CSMD1: variants seen among roughly 807,000 people sequenced by gnomAD.
CSMD1 encodes CUB and sushi domain-containing protein 1.
A neutral mutation model predicts 417.5 loss-of-function variants in CSMD1; 213 were observed. That is an observed-to-expected ratio of 0.51 (90% CI 0.46 to 0.57). CSMD1 has a LOEUF of 0.57. Among genes scored for constraint, CSMD1 ranks in the 20% least tolerant of loss-of-function variants. The pLI, the probability that CSMD1 is intolerant of heterozygous loss-of-function variation, is 0.00. For missense variants in CSMD1, 6,923 were observed against 4,529.7 expected (o/e 1.53, Z -15.17); for synonymous variants, 2,862 against 1,736.8 (o/e 1.65, Z -16.11).
intron 10 of CSMD1, among the ~76,000 whole-genome samples, chr8:3,567,795 C>G (rs1211125873): frequency 6.6e-6 from 1 of 152,162 alleles, no homozygotes; most frequent in South Asian, 2.1e-4. Context: ...ACTTGCCTTT[C>G]TTGAACATCC....
intron 15 of CSMD1, 53 bp from the exon 16 acceptor site, chr8:3,399,582 CATA>C (rs1262027254): frequency 7.2e-7 from 1 of 1,385,656 alleles, no homozygotes; most frequent in Non-Finnish European, 9.7e-7. Context: ...AAGGATATGC[CATA>C]ACAATACCCG....
intron 1 of CSMD1, among the ~76,000 whole-genome samples, chr8:4,869,415 C>T (rs962638554): frequency 2.0e-5 from 3 of 152,024 alleles, no homozygotes; most frequent in African/African-American, 7.3e-5. Context: ...TTGACTTTCA[C>T]TTACCAAATA....
At position 4,007,796 on chromosome 8, in the gene CSMD1, T is replaced by C. The variant is rs544401236; in HGVS notation, c.611-9686A>G. On this transcript the variant is annotated intron_variant, in intron 4 of 69. Transcript: ENST00000635120. ...AACAAGTGTTGGGACTATGACAAAA[T>C]ATATTTAGGGGGCTATGCACGGAAT... Among the ~76,000 whole-genome samples the C allele has an allele frequency of 5.9e-5, 9 of 152,154 alleles. No homozygotes were observed. In the South Asian group the frequency reaches 1.9e-3, roughly 32 times the overall value.
intron 1 of CSMD1, among the ~76,000 whole-genome samples, chr8:4,653,241 G>A (rs1054122601): frequency 5.3e-5 from 8 of 152,040 alleles, no homozygotes; most frequent in Admixed American, 3.9e-4. Context: ...TATACAAATC[G>A]GGCTCCTATA....
intron 12 of CSMD1, among the ~76,000 whole-genome samples, chr8:3,417,392 TC>T (rs1209663946): frequency 3.3e-5 from 5 of 152,198 alleles, no homozygotes; most frequent in Non-Finnish European, 7.3e-5. Flanking sequence ...AGACCAAAAC[TC>T]TTATTGCCTG....
At chr8:3,990,597 G>A (rs973262367) in intron 5 of CSMD1, among the ~76,000 whole-genome samples, 1 of 152,148 alleles carries the variant, frequency 6.6e-6, no homozygotes, top group East Asian at 1.9e-4. Context: ...CGTATTCTTT[G>A]AAATAGTTTT....
intron 5 of CSMD1, among the ~76,000 whole-genome samples, chr8:3,900,325 G>A (rs1428057555): frequency 2.0e-5 from 3 of 152,088 alleles, no homozygotes; most frequent in Non-Finnish European, 2.9e-5. Context: ...GCAGCTGGAT[G>A]ACACTACAGC....
chr8:4,272,597 G>A (rs536906426), intron 3 of CSMD1, among the ~76,000 whole-genome samples: 3 of 152,052 alleles, frequency 2.0e-5, no homozygotes, highest in African/African-American at 7.2e-5. Flanking sequence ...TTGAAGGCAG[G>A]GCTTTTATGT....
At chr8:3,813,838 G>A (rs751634793) in intron 5 of CSMD1, among the ~76,000 whole-genome samples, 1 of 152,058 alleles carries the variant, frequency 6.6e-6, no homozygotes, top group Non-Finnish European at 1.5e-5. Flanking sequence ...TGAAAGCTTC[G>A]AAGTTTATGT....
At chr8:3,269,095 G>A (rs112602463) in intron 26 of CSMD1, among the ~76,000 whole-genome samples, 1 of 152,308 alleles carries the variant, frequency 6.6e-6, no homozygotes, top group African/African-American at 2.4e-5. Context: ...TCATCCCCCA[G>A]TATACAAGAC....
chr8:4,103,716 G>A lies in CSMD1; in HGVS notation c.416-71617C>T, dbSNP rs578068384. ...TGAATGCTTAAAACCCATGATAAGAGTTCCTTTATCCAAGACTTGATAGTA... is the reference window on the plus strand; with the variant it reads ...TGAATGCTTAAAACCCATGATAAGAATTCCTTTATCCAAGACTTGATAGTA... On this transcript the variant is annotated intron_variant, in intron 3 of 69. Transcript: ENST00000635120. Among the ~76,000 whole-genome samples, 235 of 152,162 alleles carry A rather than the reference G, an allele frequency of 1.5e-3. 1 individual carries two copies. Among genetic ancestry groups the A allele is most frequent in the African/African-American group, 5.5e-3 (227 of 41,514 alleles).
intron 3 of CSMD1, among the ~76,000 whole-genome samples, chr8:4,417,344 G>A (rs571945990): frequency 3.3e-5 from 5 of 151,884 alleles, no homozygotes; most frequent in Non-Finnish European, 5.9e-5. Flanking sequence ...CTATTCCAAA[G>A]TACTGCCAGA....
At chr8:3,785,973 T>C (rs1415169436) in intron 5 of CSMD1, among the ~76,000 whole-genome samples, 1 of 152,182 alleles carries the variant, frequency 6.6e-6, no homozygotes, top group African/African-American at 2.4e-5. Flanking sequence ...TCTGCAGTTT[T>C]CCCCAGGAGA....
intron 5 of CSMD1, among the ~76,000 whole-genome samples, chr8:3,982,575 T>A (rs1185401570): frequency 6.6e-6 from 1 of 151,854 alleles, no homozygotes; most frequent in African/African-American, 2.4e-5. Context: ...ATGCGCCTAG[T>A]CATTTAGAAT....
At chr8:4,432,143 A>C (rs1490897358) in intron 2 of CSMD1, among the ~76,000 whole-genome samples, 1 of 152,228 alleles carries the variant, frequency 6.6e-6, no homozygotes, top group African/African-American at 2.4e-5. Flanking sequence ...TTGCTAAAGC[A>C]TGCATGGATT....
chr8:3,722,373 A>G (rs1463933303), intron 6 of CSMD1, among the ~76,000 whole-genome samples: 1 of 152,200 alleles, frequency 6.6e-6, no homozygotes, highest in East Asian at 1.9e-4. Context: ...GTTGAGGGTC[A>G]CTTTAGGAAT....
At chr8:3,560,471 G>A (rs1420634028) in intron 10 of CSMD1, among the ~76,000 whole-genome samples, 2 of 152,144 alleles carry the variant, frequency 1.3e-5, no homozygotes, top group Non-Finnish European at 2.9e-5. Context: ...ACTCCAGACT[G>A]ATTCTTCTCA....
In CSMD1 at chr8:4,565,262, G is replaced by C. The variant is rs547913797; in HGVS notation, c.302+72080C>G. 2.6e-5 allele frequency among the ~76,000 whole-genome samples: 4 copies of C among 152,266 alleles called. No homozygotes were observed. In the South Asian group the frequency reaches 6.2e-4, roughly 24 times the overall value. On this transcript the variant is annotated intron_variant, in intron 2 of 69. Coordinates refer to ENST00000635120, the MANE Select transcript of CSMD1 (RefSeq NM_033225.6). ...TTAAGAATGCCTCATTCACAATAGT[G>C]TGCAGAATATTGAGTGAACAAGTGT...
intron 3 of CSMD1, among the ~76,000 whole-genome samples, chr8:4,118,010 T>TA (rs1180316514): frequency 8.1e-5 from 12 of 147,962 alleles, no homozygotes; most frequent in South Asian, 2.1e-4. Flanking sequence ...ATGACATAGG[T>TA]AAAAAAAAGT....
Sources: allele counts gnomAD v4.1 joint callset (sites outside exome capture counted in the v4.1 genomes callset), GRCh38; gene constraint gnomAD v4.1.1; transcripts MANE v1.5; gene names NCBI Gene and HGNC (gene_info 2026-07-23, HGNC 2026-07-21).